CYRIB: variants seen among roughly 807,000 people sequenced by gnomAD.
The protein encoded by CYRIB is CYFIP related Rac1 interactor B, also known as CYFIP-related Rac1 interactor B.
CYRIB carries 8 observed loss-of-function variants against 44.2 expected under a neutral mutation model. The observed-to-expected ratio is 0.18, with a 90% confidence interval of 0.11 to 0.33. The LOEUF (loss-of-function observed/expected upper bound fraction) is 0.33, where lower values mean the gene tolerates loss of function less well. Ranked by LOEUF, CYRIB falls within the 10% of genes least tolerant of loss-of-function variation. CYRIB has a pLI of 1.00. For missense variants in CYRIB, 185 were observed against 382.8 expected (o/e 0.48, Z 4.31); for synonymous variants, 131 against 127.2 (o/e 1.03, Z -0.20).
At chr8:129,933,965 G>C (rs1441347646) in intron 1 of CYRIB, among the ~76,000 whole-genome samples, 2 of 152,066 alleles carry the variant, frequency 1.3e-5, no homozygotes, top group Non-Finnish European at 2.9e-5. Context: ...TCACTTAAGA[G>C]CTAGTGAGGG....
chr8:129,920,269 G>T (rs1349080696), intron 1 of CYRIB, among the ~76,000 whole-genome samples: 1 of 151,958 alleles, frequency 6.6e-6, no homozygotes, highest in East Asian at 1.9e-4. Flanking sequence ...TGTCTTATGA[G>T]CTTTTCTCCC....
At chr8:129,892,148 C>A (rs1334920245) in intron 2 of CYRIB, among the ~76,000 whole-genome samples, 6 of 152,238 alleles carry the variant, frequency 3.9e-5, no homozygotes, top group Admixed American at 3.9e-4. Context: ...AGAAACACAT[C>A]CTGCTACAAT....
At chr8:129,848,003 A>T (rs2041156272) in intron 10 of CYRIB, among the ~76,000 whole-genome samples, 1 of 151,978 alleles carries the variant, frequency 6.6e-6, no homozygotes, top group Non-Finnish European at 1.5e-5. Flanking sequence ...ATGAGGTTTC[A>T]CCATGTTGGC....
chr8:129,927,693 T>C (rs938139301), intron 1 of CYRIB, among the ~76,000 whole-genome samples: 7 of 152,222 alleles, frequency 4.6e-5, no homozygotes, highest in African/African-American at 1.2e-4. Flanking sequence ...TACTACTCTA[T>C]ATTGTTTCAA....
intron 1 of CYRIB, among the ~76,000 whole-genome samples, chr8:129,916,400 C>T (rs2080787533): frequency 6.6e-6 from 1 of 151,914 alleles, no homozygotes; most frequent in Admixed American, 6.6e-5. Context: ...TTTATCTCAT[C>T]ACTGCTCTAT....
intron 2 of CYRIB, chr8:129,949,057 A>C (rs1165809861): frequency 6.6e-6 from 1 of 152,186 alleles, no homozygotes; most frequent in African/African-American, 2.4e-5. Context: ...CCTGGGCGAC[A>C]GGGTGGGACC....
At chr8:129,948,180 A>G (rs78167060) in intron 2 of CYRIB, among the ~76,000 whole-genome samples, 240 of 152,322 alleles carry the variant, frequency 1.6e-3, no homozygotes, top group African/African-American at 5.6e-3. Flanking sequence ...TTGAAGTTCA[A>G]ATTGGGAATG....
intron 1 of CYRIB, among the ~76,000 whole-genome samples, chr8:129,928,212 G>A (rs1048400518): frequency 4.6e-5 from 7 of 151,432 alleles, no homozygotes; most frequent in Non-Finnish European, 8.8e-5. Context: ...GGTGGCACAC[G>A]TCTGTAGCAT....
In CYRIB at chr8:129,987,566, T is replaced by TC. The variant is rs1421229021; in HGVS notation, c.-295-16572_-295-16571insG. Among the ~76,000 whole-genome samples the TC allele has an allele frequency of 5.6e-3, 354 of 63,266 alleles. 1 individual carries two copies. Among genetic ancestry groups the TC allele is most frequent in the African/African-American group, 0.035 (345 of 9,938 alleles). 41.5% of individuals were successfully genotyped at this position (63,266 alleles called of 152,430 possible). A position where few individuals can be genotyped will look rare whatever the true frequency, so the allele number is the denominator to read the frequency against. ...TTTTCTTTTTCTTGTCTTTTTTTTT[T>TC]TCTTTTTTTTTTTTTTTTTATGAGA... is the stretch of plus-strand genomic sequence containing the variant. On this transcript the variant is annotated intron_variant, in intron 1 of 14. Coordinates refer to the CYRIB transcript ENST00000401979.
At chr8:129,954,726 G>C (rs1233760777) in intron 2 of CYRIB, among the ~76,000 whole-genome samples, 1 of 152,186 alleles carries the variant, frequency 6.6e-6, no homozygotes, top group Admixed American at 6.5e-5. Flanking sequence ...GACCCAGGGG[G>C]AAGATTAGAG....
chr8:129,889,375 C>T (rs1298958113), intron 2 of CYRIB, among the ~76,000 whole-genome samples: 3 of 152,232 alleles, frequency 2.0e-5, no homozygotes, highest in Admixed American at 2.0e-4. Context: ...ATCCACTCTG[C>T]AGCTCATGGA....
intron 3 of CYRIB, among the ~76,000 whole-genome samples, chr8:129,873,427 A>T (rs947283931): frequency 6.6e-6 from 1 of 152,016 alleles, no homozygotes; most frequent in Non-Finnish European, 1.5e-5. Flanking sequence ...ATAGTCAGAC[A>T]TACACTCTTT....
intron 1 of CYRIB, among the ~76,000 whole-genome samples, chr8:129,931,649 C>T (rs1469169477): frequency 1.3e-5 from 2 of 151,950 alleles, no homozygotes; most frequent in African/African-American, 4.8e-5. Flanking sequence ...TTTTTTGAGA[C>T]AGAGTCTCCC....
intron 3 of CYRIB, among the ~76,000 whole-genome samples, chr8:129,872,497 A>C (rs748445911): frequency 3.9e-5 from 6 of 152,116 alleles, no homozygotes; most frequent in Non-Finnish European, 8.8e-5. Flanking sequence ...TCTAAGGACA[A>C]ATCTTTTATA....
chr8:129,875,521 C>T (rs1051239520), intron 3 of CYRIB, among the ~76,000 whole-genome samples: 1 of 152,036 alleles, frequency 6.6e-6, no homozygotes, highest in African/African-American at 2.4e-5. Context: ...CGATTGAGTG[C>T]TTTTTATATG....
At chr8:130,003,352 G>A (rs1391783790) in intron 1 of CYRIB, among the ~76,000 whole-genome samples, 1 of 152,182 alleles carries the variant, frequency 6.6e-6, no homozygotes, top group Non-Finnish European at 1.5e-5. Context: ...TCAAGGCTCT[G>A]GACATCAATT....
At chr8:129,957,127 G>A (rs536839930) in intron 2 of CYRIB, among the ~76,000 whole-genome samples, 1 of 152,292 alleles carries the variant, frequency 6.6e-6, no homozygotes, top group South Asian at 2.1e-4. Context: ...CTCCCTAAAT[G>A]CTGAGATTAC....
chr8:129,865,339 T>C (rs545814588), intron 4 of CYRIB, among the ~76,000 whole-genome samples: 14 of 152,332 alleles, frequency 9.2e-5, no homozygotes, highest in East Asian at 3.9e-4. Context: ...TACAGCTTTA[T>C]TGGGGTGATG....
chr8:129,842,093 A>T, exon 12 of CYRIB: 2 of 1,366,242 alleles, frequency 1.5e-6, no homozygotes, highest in East Asian at 2.3e-5. Flanking sequence ...ATTCTCAGTC[A>T]TTGCAGAATA....
Sources: gnomAD v4.1 joint callset for allele counts (sites outside exome capture counted in the v4.1 genomes callset) on GRCh38, gnomAD v4.1.1 for gene constraint, MANE v1.5 for transcripts, NCBI Gene and HGNC (gene_info 2026-07-23, HGNC 2026-07-21) for gene names.